The following SEMA3A variants were observed in gnomAD, a reference collection of about 807,000 sequenced individuals.
SEMA3A encodes semaphorin 3A, also known as semaphorin-3A.
In SEMA3A, 29 loss-of-function variants were observed where a neutral mutation model predicts 97.9. That is an observed-to-expected ratio of 0.30 (90% CI 0.22 to 0.40). The LOEUF (loss-of-function observed/expected upper bound fraction) is 0.40. SEMA3A is among the 10% of genes least tolerant of loss of function. The pLI, the probability that SEMA3A is intolerant of heterozygous loss-of-function variation, is 1.00. For synonymous variants in SEMA3A, 321 were observed against 323.7 expected, an observed-to-expected ratio of 0.99 and a Z score of 0.09; for missense variants, 763 against 951.3, an observed-to-expected ratio of 0.80 and a Z score of 2.60.
chr7:84,028,658 G>T (rs1791630107), intron 6 of SEMA3A, among the ~76,000 whole-genome samples: 1 of 152,220 alleles, frequency 6.6e-6, no homozygotes, highest in Admixed American at 6.5e-5. Flanking sequence ...AGGCTGGAGT[G>T]CAGTGGCACG....
At chr7:84,072,109 T>A (rs533413881) in intron 4 of SEMA3A, among the ~76,000 whole-genome samples, 1 of 152,224 alleles carries the variant, frequency 6.6e-6, no homozygotes, top group Non-Finnish European at 1.5e-5. Flanking sequence ...ATTAATATAT[T>A]ATTGATGCTT....
intron 3 of SEMA3A, among the ~76,000 whole-genome samples, chr7:84,112,017 G>C (rs370314169): frequency 6.6e-6 from 1 of 152,112 alleles, no homozygotes; most frequent in Non-Finnish European, 1.5e-5. Context: ...GGGCATGAAG[G>C]CTTGGGCAGA....
intron 4 of SEMA3A, among the ~76,000 whole-genome samples, chr7:84,076,181 A>G (rs921267544): frequency 2.0e-5 from 3 of 152,226 alleles, no homozygotes; most frequent in Non-Finnish European, 2.9e-5. Flanking sequence ...GATAGATAGC[A>G]TATGAATAAT....
rs140492971 is a variant in SEMA3A, at chr7:84,404,001, C to T, written c.-245-32101G>A. On this transcript the variant is annotated intron_variant, in intron 1 of 3. Transcript: ENST00000424555. ...AATCAGAGCGCCTCTCCTCCTCCAACGGAACACAGCTCCTCACCAGCAACA... is the reference window on the plus strand; with the variant it reads ...AATCAGAGCGCCTCTCCTCCTCCAATGGAACACAGCTCCTCACCAGCAACA... Among the ~76,000 whole-genome samples, 240 of 152,312 alleles carry T rather than the reference C, an allele frequency of 1.6e-3. 1 individual carries two copies. Among genetic ancestry groups the T allele is most frequent in the African/African-American group, 5.0e-3 (209 of 41,568 alleles).
chr7:84,217,736 G>C (rs1798783014), intron 3 of SEMA3A, among the ~76,000 whole-genome samples: 1 of 151,540 alleles, frequency 6.6e-6, no homozygotes, highest in Non-Finnish European at 1.5e-5. Context: ...ACGCTAGCCT[G>C]AGTGGCAGAG....
chr7:84,020,127 C>A (rs1442483381), intron 6 of SEMA3A, among the ~76,000 whole-genome samples: 2 of 139,188 alleles, frequency 1.4e-5, no homozygotes, highest in Non-Finnish European at 3.0e-5. Context: ...CCCACTGCAA[C>A]CTCCACCACC....
chr7:84,095,170 ATC>A (rs959464131), intron 4 of SEMA3A, among the ~76,000 whole-genome samples: 12 of 144,036 alleles, frequency 8.3e-5, no homozygotes, highest in South Asian at 4.3e-4. Context: ...TATTGCACAT[ATC>A]TCTCTATATA....
intron 3 of SEMA3A, among the ~76,000 whole-genome samples, chr7:84,301,738 T>C (rs1344035683): frequency 6.6e-6 from 1 of 152,182 alleles, no homozygotes; most frequent in African/African-American, 2.4e-5. Flanking sequence ...TGTGTTCCCA[T>C]ATACTTCTAT....
intron 1 of SEMA3A, among the ~76,000 whole-genome samples, chr7:84,486,905 A>C (rs1806588377): frequency 6.6e-6 from 1 of 152,168 alleles, no homozygotes; most frequent in Non-Finnish European, 1.5e-5. Context: ...AAAAAAGATT[A>C]AATCCTCAAG....
At chr7:84,131,781 T>G (rs1349585787) in intron 2 of SEMA3A, among the ~76,000 whole-genome samples, 2 of 148,758 alleles carry the variant, frequency 1.3e-5, no homozygotes, top group Non-Finnish European at 3.0e-5. Flanking sequence ...ATTATTTATT[T>G]ATTTATTTAT....
exon 1 of SEMA3A, chr7:84,492,663 C>T (rs1480866230): frequency 6.6e-6 from 1 of 151,912 alleles, no homozygotes; most frequent in Admixed American, 6.6e-5. Context: ...AGCACAGAAT[C>T]TATTACCCCT....
At chr7:84,136,211 T>C (rs1315561502) in intron 1 of SEMA3A, among the ~76,000 whole-genome samples, 2 of 152,168 alleles carry the variant, frequency 1.3e-5, no homozygotes, top group African/African-American at 4.8e-5. Context: ...GCGATGTGCC[T>C]TCCGAAGAGA....
intron 3 of SEMA3A, among the ~76,000 whole-genome samples, chr7:84,287,335 A>G (rs892559989): frequency 1.3e-5 from 2 of 152,070 alleles, no homozygotes; most frequent in East Asian, 1.9e-4. Flanking sequence ...CATCACTCCC[A>G]TTTTTAAAAA....
At chr7:84,410,822 T>A (rs1325210365) in intron 1 of SEMA3A, among the ~76,000 whole-genome samples, 1 of 152,160 alleles carries the variant, frequency 6.6e-6, no homozygotes. Flanking sequence ...GTATTTGTGT[T>A]TCTGTACACT....
At chr7:83,982,088 TA>T (rs1789436409) in intron 13 of SEMA3A, among the ~76,000 whole-genome samples, 1 of 152,164 alleles carries the variant, frequency 6.6e-6, no homozygotes, top group African/African-American at 2.4e-5. Context: ...AAAGAGGCAC[TA>T]AGTACACTCT....
intron 1 of SEMA3A, among the ~76,000 whole-genome samples, chr7:84,165,084 T>C (rs944638105): frequency 3.3e-5 from 5 of 152,142 alleles, no homozygotes; most frequent in African/African-American, 1.2e-4. Context: ...GGCACGTGCC[T>C]GTAGTCTCAG....
intron 2 of SEMA3A, among the ~76,000 whole-genome samples, chr7:84,337,338 T>C (rs754965737): frequency 6.6e-6 from 1 of 152,122 alleles, no homozygotes; most frequent in Non-Finnish European, 1.5e-5. Context: ...TATACATAAA[T>C]GCACAAAAAA....
chr7:84,196,910 GT>G (rs1217274611), upstream of SEMA3A, among the ~76,000 whole-genome samples: 3 of 151,978 alleles, frequency 2.0e-5, no homozygotes, highest in Non-Finnish European at 2.9e-5. Context: ...AGAAGAGCAA[GT>G]TTTTGTCAAA....
intron 6 of SEMA3A, among the ~76,000 whole-genome samples, chr7:84,029,791 C>T (rs1470738214): frequency 7.0e-6 from 1 of 142,032 alleles, no homozygotes; most frequent in Admixed American, 7.3e-5. Context: ...TACACATTTG[C>T]ACACACATCC....
Sources: gnomAD v4.1 joint callset for allele counts (sites outside exome capture counted in the v4.1 genomes callset) on GRCh38, gnomAD v4.1.1 for gene constraint, MANE v1.5 for transcripts, NCBI Gene and HGNC (gene_info 2026-07-23, HGNC 2026-07-21) for gene names.